The following CACNG7 variants were observed in gnomAD, a reference collection of about 807,000 sequenced individuals.
The protein encoded by CACNG7 is calcium voltage-gated channel auxiliary subunit gamma 7, also known as voltage-dependent calcium channel gamma-7 subunit.
In CACNG7, 9 loss-of-function variants were observed where a neutral mutation model predicts 26.3. The observed-to-expected ratio is 0.34, with a 90% CI of 0.21 to 0.60. The LOEUF (loss-of-function observed/expected upper bound fraction) is 0.60. CACNG7 is among the 20% of genes least tolerant of loss of function. CACNG7 has a pLI of 0.81. For synonymous variants in CACNG7, 170 were observed against 157.0 expected (o/e 1.08, Z -0.62); for missense variants, 297 against 380.4 (o/e 0.78, Z 1.82).
chr19:53,930,273 A>G (rs187196269), intron 4 of CACNG7, among the ~76,000 whole-genome samples: 1 of 150,520 alleles, frequency 6.6e-6, no homozygotes, highest in East Asian at 2.0e-4. Flanking sequence ...CAATGGTGCC[A>G]TCTCTGCTCA....
At chr19:53,937,780 G>A (rs984627056) in intron 4 of CACNG7, among the ~76,000 whole-genome samples, 1 of 151,942 alleles carries the variant, frequency 6.6e-6, no homozygotes, top group African/African-American at 2.4e-5. Flanking sequence ...TAGTAGAGAC[G>A]AGGTTTCACC....
rs1190665530 is a variant in CACNG7, at chr19:53,940,717, C to G, written c.425-753C>G. ...TTTTCCCTCCTTCCGAAACCTTTGC[C>G]CATGCTGTGCACTCTGCCAGTGTGC... On this transcript the variant is annotated intron_variant, in intron 4 of 5. Coordinates refer to ENST00000391767, the MANE Select transcript of CACNG7 (RefSeq NM_031896.5). The surrounding 1 kb of genome is among the most constrained non-coding windows in gnomAD (Gnocchi z 4.1). 6.6e-6 allele frequency among the ~76,000 whole-genome samples: 1 copy of G among 152,068 alleles called. No individual in the cohort carries two copies. The highest frequency in any genetic ancestry group is 2.4e-5 in the African/African-American group (1 of 41,398).
rs1482476410 is a variant in CACNG7, at chr19:53,925,512, TGGTCATTGGTGGAGTTGTCCCAGG to T, written c.424+10008_424+10031del. ...GGTCATTGGTGGACTTGCCCCAGGC[TGGTCATTGGTGGAGTTGTCCCAGG>T]CTGGTCATTGGTGGACTTGCCCCAG... On this transcript the variant is annotated intron_variant, in intron 4 of 5. Transcript: ENST00000391767. Among the ~76,000 whole-genome samples, 265 of 139,142 alleles carry T rather than the reference TGGTCATTGGTGGAGTTGTCCCAGG, an allele frequency of 1.9e-3. 3 individuals carry two copies. The highest frequency in any genetic ancestry group is 3.4e-3 in the African/African-American group (122 of 35,378). 91.3% of individuals were successfully genotyped at this position (139,142 alleles called of 152,430 possible). A position where few individuals can be genotyped will look rare whatever the true frequency, so the allele number is the denominator to read the frequency against.
intron 4 of CACNG7, among the ~76,000 whole-genome samples, chr19:53,928,288 T>C (rs1323195442): frequency 6.6e-6 from 1 of 152,136 alleles, no homozygotes; most frequent in East Asian, 1.9e-4. Context: ...TATTTACTTA[T>C]TGAGGCAGTG....
rs560187869 is a variant in CACNG7 at position 53,939,748 on chromosome 19, G to A, written c.425-1722G>A. ...CGCTGTTACAAACATCCGTGTATGCGTTTTTGTATGAACATATGTTTCCAC... is the reference window on the plus strand; with the variant it reads ...CGCTGTTACAAACATCCGTGTATGCATTTTTGTATGAACATATGTTTCCAC... On this transcript the variant is annotated intron_variant, in intron 4 of 5. Transcript: ENST00000391767. The surrounding 1 kb of genome is among the most constrained non-coding windows in gnomAD (Gnocchi z 4.2). Among the ~76,000 whole-genome samples, 24 of 152,220 alleles carry A rather than the reference G, an allele frequency of 1.6e-4. No homozygotes were observed. Among genetic ancestry groups the A allele is most frequent in the Admixed American group, 3.3e-4 (5 of 15,278 alleles).
intron 4 of CACNG7, among the ~76,000 whole-genome samples, chr19:53,919,831 T>G (rs2068926287): frequency 1.5e-5 from 2 of 131,464 alleles, no homozygotes; most frequent in Admixed American, 1.6e-4. Flanking sequence ...CCAGGTCTGG[T>G]CATTGGTGGA....
chr19:53,924,744 G>T (rs1199537703), intron 4 of CACNG7, among the ~76,000 whole-genome samples: 1 of 150,156 alleles, frequency 6.7e-6, no homozygotes, highest in African/African-American at 2.5e-5. Context: ...CCCCAGGTCT[G>T]GTCATTGGTG....
rs369011687 is a variant in CACNG7 at position 53,920,801 on chromosome 19, C to G, written c.424+5296C>G. Among the ~76,000 whole-genome samples, 63 of 69,338 alleles carry G rather than the reference C, an allele frequency of 9.1e-4. 1 individual carries two copies. Among genetic ancestry groups the G allele is most frequent in the Admixed American group, 1.9e-3 (14 of 7,204 alleles). 45.5% of individuals were successfully genotyped at this position (69,338 alleles called of 152,430 possible). ...TTGCCCCAGGCTGGTCATTGGTGGACTTGCCCCAGGCTGGTCATTGGTGGA... is the reference window on the plus strand; with the variant it reads ...TTGCCCCAGGCTGGTCATTGGTGGAGTTGCCCCAGGCTGGTCATTGGTGGA... On this transcript the variant is annotated intron_variant, in intron 4 of 5. Coordinates refer to ENST00000391767, the MANE Select transcript of CACNG7 (RefSeq NM_031896.5).
intron 4 of CACNG7, among the ~76,000 whole-genome samples, chr19:53,925,029 G>C (rs1267790773): frequency 1.5e-5 from 1 of 65,144 alleles, no homozygotes; most frequent in Non-Finnish European, 2.8e-5. Context: ...GACTTGCCTA[G>C]GGCTGGTCAT....
At chr19:53,929,948 T>C (rs1161576419) in intron 4 of CACNG7, among the ~76,000 whole-genome samples, 1 of 151,604 alleles carries the variant, frequency 6.6e-6, no homozygotes, top group African/African-American at 2.4e-5. Context: ...TGATGGAGAA[T>C]AATAAAAAAC....
intron 4 of CACNG7, among the ~76,000 whole-genome samples, chr19:53,916,984 G>T (rs1229550610): frequency 6.6e-6 from 1 of 152,052 alleles, no homozygotes; most frequent in African/African-American, 2.4e-5. Context: ...TTTTAGTAGA[G>T]ATGGGGTTTT....
chr19:53,919,154 GC>G (rs1401459214), intron 4 of CACNG7, among the ~76,000 whole-genome samples: 1 of 152,084 alleles, frequency 6.6e-6, no homozygotes, highest in African/African-American at 2.4e-5. Context: ...GCATTATGCT[GC>G]CCCACCAAGA....
rs1341642067 is a variant in CACNG7 at position 53,912,825 on chromosome 19, T to A, written c.-7T>A. Reference sequence around the variant, plus strand: ...CAGGCCCCGCAGGGCGCCCCCTGCCTCTGAGGATGAGTCACTGCAGCAGCC... The same window carrying A: ...CAGGCCCCGCAGGGCGCCCCCTGCCACTGAGGATGAGTCACTGCAGCAGCC... On this transcript the variant is annotated 5_prime_UTR_variant, in exon 2 of 6. Coordinates refer to ENST00000391767, the MANE Select transcript of CACNG7 (RefSeq NM_031896.5). The surrounding 1 kb of genome is among the most constrained non-coding windows in gnomAD (Gnocchi z 4.6). The A allele has an allele frequency of 1.2e-6, 2 of 1,611,210 alleles. No individual in the cohort carries two copies. The highest frequency in any genetic ancestry group is 2.2e-5 in the South Asian group (2 of 91,010).
chr19:53,922,583 C>T lies in CACNG7; in HGVS notation c.424+7078C>T, dbSNP rs1176651717. ...AGGTCTGGTCATTGGTGGAGTTGTCCCAGGACTGGTCATTGGTGCAGTTGT... is the reference window on the plus strand; with the variant it reads ...AGGTCTGGTCATTGGTGGAGTTGTCTCAGGACTGGTCATTGGTGCAGTTGT... On this transcript the variant is annotated intron_variant, in intron 4 of 5. Transcript: ENST00000391767. Among the ~76,000 whole-genome samples, 3 of 88,372 alleles carry T rather than the reference C, an allele frequency of 3.4e-5. 1 individual carries two copies. Among genetic ancestry groups the T allele is most frequent in the Non-Finnish European group, 2.0e-5 (1 of 49,832 alleles). 58.0% of individuals were successfully genotyped at this position (88,372 alleles called of 152,430 possible).
intron 1 of CACNG7, among the ~76,000 whole-genome samples, chr19:53,910,716 G>T (rs1174601007): frequency 6.6e-6 from 1 of 152,122 alleles, no homozygotes; most frequent in Non-Finnish European, 1.5e-5. Flanking sequence ...AAGTCCTTGA[G>T]ATCTGGGTTG....
chr19:53,910,641 C>A (rs985756977), intron 1 of CACNG7, among the ~76,000 whole-genome samples: 1 of 152,022 alleles, frequency 6.6e-6, no homozygotes, highest in Admixed American at 6.5e-5. Flanking sequence ...CCCCAAATCA[C>A]GGGATTGCGT....
intron 4 of CACNG7, among the ~76,000 whole-genome samples, chr19:53,928,463 C>T (rs566387065): frequency 7.6e-4 from 116 of 151,968 alleles, no homozygotes; most frequent in Non-Finnish European, 1.3e-3. Flanking sequence ...TTTGTAGAGA[C>T]GGGGTTTCAC....
intron 4 of CACNG7, among the ~76,000 whole-genome samples, chr19:53,934,434 G>T (rs1258995377): frequency 6.6e-6 from 1 of 152,156 alleles, no homozygotes; most frequent in Non-Finnish European, 1.5e-5. Flanking sequence ...GGTAAAGATG[G>T]TGTCCATCAG....
rs979026256 is a variant in CACNG7 at position 53,918,454 on chromosome 19, ATTC to A, written c.424+2958_424+2960del. Among the ~76,000 whole-genome samples the A allele has an allele frequency of 1.2e-4, 18 of 152,300 alleles. No individual in the cohort carries two copies. In the South Asian group the frequency reaches 1.4e-3, roughly 12 times the overall value. ...AATGTAATTTTCATGTGCATGAAAT[ATTC>A]TTCTTCTTTTGATTTTTTTTTAAAT... is the stretch of plus-strand genomic sequence containing the variant. On this transcript the variant is annotated intron_variant, in intron 4 of 5. Transcript: ENST00000391767.
Sources: allele counts gnomAD v4.1 joint callset (sites outside exome capture counted in the v4.1 genomes callset), GRCh38; gene constraint gnomAD v4.1.1; non-coding constraint Gnocchi (gnomAD v3.1); transcripts MANE v1.5; gene names NCBI Gene and HGNC (gene_info 2026-07-23, HGNC 2026-07-21).